The following PRKCI variants were observed in gnomAD, a reference collection of about 807,000 sequenced individuals.
The protein encoded by PRKCI is protein kinase C iota type.
In PRKCI, 43 loss-of-function variants were observed where a neutral mutation model predicts 84.0. That is an observed-to-expected ratio of 0.51 (90% CI 0.40 to 0.66). The LOEUF is 0.66. PRKCI is among the 30% of genes least tolerant of loss of function. The pLI is 0.00. For synonymous variants in PRKCI, 216 were observed against 234.4 expected (o/e 0.92, Z 0.72); for missense variants, 459 against 745.6 (o/e 0.62, Z 4.48).
rs562397699 is a variant in PRKCI at position 170,300,549 on chromosome 3, C to T, written c.1703+1439C>T. On this transcript the variant is annotated intron_variant, in intron 17 of 17. Transcript: ENST00000295797. ...CTCATGGCCCCTCTTTGAACAACCA[C>T]GTTTTTCCTCATTTTCATTTCATCT... 4.4e-4 allele frequency among the ~76,000 whole-genome samples: 67 copies of T among 151,316 alleles called. 1 individual carries two copies. The highest frequency in any genetic ancestry group is 3.7e-3 in the South Asian group (18 of 4,800).
In PRKCI at chr3:170,281,872, T is replaced by C. The variant is rs1161409416; in HGVS notation, c.981-10T>C. 2 of 1,582,566 alleles carry C rather than the reference T, an allele frequency of 1.3e-6. No individual in the cohort carries two copies. The highest frequency in any genetic ancestry group is 1.7e-6 in the Non-Finnish European group (2 of 1,167,248). On this transcript the variant is annotated splice_polypyrimidine_tract_variant and intron_variant, in intron 10 of 17. Transcript: ENST00000295797. ...GATCTTGATTTCATGGGTTCTCTCCTGTGTTTTAGATTGTTCTTTGTTATA... is the reference window on the plus strand; with the variant it reads ...GATCTTGATTTCATGGGTTCTCTCCCGTGTTTTAGATTGTTCTTTGTTATA...
In PRKCI at chr3:170,305,266, C is replaced by T. The variant is rs890613635; in HGVS notation, c.*2139C>T. 3 of 152,622 alleles carry T rather than the reference C, an allele frequency of 2.0e-5. No homozygotes were observed. Among genetic ancestry groups the T allele is most frequent in the African/African-American group, 7.2e-5 (3 of 41,444 alleles). The allele number at this position is 152,622 out of a possible 1,614,324, so 9.5% of individuals were successfully genotyped here. On this transcript the variant is annotated 3_prime_UTR_variant, in exon 18 of 18. Transcript: ENST00000295797. ...TGCACACTAGTGAGCCCACCTTAGA[C>T]TTCTTTTGGGGCCTTCGACCTCACT...
intron 13 of PRKCI, 55 bp downstream of exon 13, chr3:170,291,996 G>C: frequency 8.0e-7 from 1 of 1,244,268 alleles, no homozygotes; most frequent in Non-Finnish European, 1.2e-6. Flanking sequence ...GTGGTAAAAT[G>C]TGGTACCAAT....
chr3:170,245,949 G>GTTTTT (rs112482352), intron 2 of PRKCI, among the ~76,000 whole-genome samples: 141 of 82,418 alleles, frequency 1.7e-3, no homozygotes, highest in African/African-American at 2.2e-3. Context: ...TTATGTCTTT[G>GTTTTT]TTTTTTTTTT....
chr3:170,295,890 C>T (rs1345078601), intron 14 of PRKCI, 21 bp from the exon 15 acceptor site: 3 of 1,411,002 alleles, frequency 2.1e-6, no homozygotes, highest in Non-Finnish European at 9.8e-7. Flanking sequence ...AAATATAATA[C>T]TATAATTTTT....
At chr3:170,229,818 A>G (rs1316478318) in intron 1 of PRKCI, among the ~76,000 whole-genome samples, 1 of 152,152 alleles carries the variant, frequency 6.6e-6, no homozygotes, top group Non-Finnish European at 1.5e-5. Context: ...TTATATTCCC[A>G]TTGCATGTTA....
At chr3:170,253,857 G>T (rs981172140) in intron 2 of PRKCI, among the ~76,000 whole-genome samples, 3 of 151,694 alleles carry the variant, frequency 2.0e-5, no homozygotes, top group African/African-American at 7.3e-5. Context: ...ACCACTTTGG[G>T]AGGCCGAGGC....
chr3:170,241,109 T>C (rs1471482705), intron 2 of PRKCI, among the ~76,000 whole-genome samples: 2 of 152,246 alleles, frequency 1.3e-5, no homozygotes, highest in East Asian at 3.8e-4. Flanking sequence ...GTGTGATGTT[T>C]CAATACATGT....
chr3:170,273,933 A>C (rs1352286602), intron 7 of PRKCI, among the ~76,000 whole-genome samples: 1 of 152,018 alleles, frequency 6.6e-6, no homozygotes, highest in Non-Finnish European at 1.5e-5. Context: ...GGAGTTCAAG[A>C]CCAGCCTGGC....
rs763902996 is a variant in PRKCI, at chr3:170,273,301, A to G, written c.607A>G (p.Met203Val). The change falls in exon 7 of 18, where the codon ATG becomes GTG. Residue 203 changes from methionine to valine, a missense_variant. Physicochemically the swap from Met to Val is conservative, Grantham distance 21 (BLOSUM62 1). Coordinates refer to ENST00000295797, the MANE Select transcript of PRKCI (RefSeq NM_002740.6). ...HSLPQEPVMP[M>V]DQSSMHSDHA... ...ATGTTTGTAGGAACCAGTGATGCCC[A>G]TGGATCAGTCATCCATGCATTCTGA... 1.2e-6 allele frequency: 2 copies of G among 1,613,762 alleles called. No homozygotes were observed. The highest frequency in any genetic ancestry group is 2.2e-5 in the East Asian group (1 of 44,860).
chr3:170,224,685 G>A (rs1732585056), intron 1 of PRKCI, among the ~76,000 whole-genome samples: 1 of 151,978 alleles, frequency 6.6e-6, no homozygotes, highest in South Asian at 2.1e-4. Context: ...CACCACACCC[G>A]GCTAATTTTT....
chr3:170,281,401 A>T (rs1734240960), intron 10 of PRKCI, 138 bp downstream of exon 10: 1 of 645,046 alleles, frequency 1.6e-6, no homozygotes, highest in African/African-American at 1.8e-5. Context: ...CTTCCTGCTA[A>T]TAATACTGCC....
At chr3:170,302,489 T>C (rs1734845789) in intron 17 of PRKCI, among the ~76,000 whole-genome samples, 1 of 152,196 alleles carries the variant, frequency 6.6e-6, no homozygotes, top group East Asian at 1.9e-4. Context: ...TATTAAATAT[T>C]TGATAGCACT....
At chr3:170,249,467 G>C (rs1733381271) in intron 2 of PRKCI, among the ~76,000 whole-genome samples, 1 of 152,090 alleles carries the variant, frequency 6.6e-6, no homozygotes, top group East Asian at 1.9e-4. Flanking sequence ...AAACAGTCTG[G>C]ACTCAGTTTT....
intron 14 of PRKCI, 121 bp from the exon 15 acceptor site, chr3:170,295,790 A>C: frequency 2.2e-6 from 1 of 452,144 alleles, no homozygotes; most frequent in Admixed American, 4.3e-5. Context: ...AGCTGCAGTG[A>C]GCTGTGATTG....
rs1029505852 is a variant in PRKCI at position 170,303,241 on chromosome 3, C to T, written c.*114C>T. ...ATATTTGCCACCTACAAAAAAACAC[C>T]CAATATCTTCTCTTGTAGACTATAT... On this transcript the variant is annotated 3_prime_UTR_variant, in exon 18 of 18. Coordinates refer to ENST00000295797, the MANE Select transcript of PRKCI (RefSeq NM_002740.6). The T allele has an allele frequency of 3.1e-6, 2 of 645,308 alleles. No individual in the cohort carries two copies. The highest frequency in any genetic ancestry group is 5.1e-6 in the Non-Finnish European group (2 of 389,580). 40.0% of individuals were successfully genotyped at this position (645,308 alleles called of 1,614,324 possible).
intron 4 of PRKCI, among the ~76,000 whole-genome samples, chr3:170,266,436 A>G (rs1468296154): frequency 1.3e-5 from 2 of 152,196 alleles, no homozygotes; most frequent in African/African-American, 2.4e-5. Flanking sequence ...AGAAATACAC[A>G]ACACTACCTA....
chr3:170,282,375 G>A (rs1014651342), intron 11 of PRKCI, among the ~76,000 whole-genome samples: 2 of 152,072 alleles, frequency 1.3e-5, no homozygotes, highest in South Asian at 4.1e-4. Flanking sequence ...CGATAAGAGT[G>A]CTATTCATAC....
intron 15 of PRKCI, 65 bp downstream of exon 15, chr3:170,296,055 A>G: frequency 1.1e-6 from 1 of 943,768 alleles, no homozygotes; most frequent in Non-Finnish European, 1.5e-6. Context: ...ACTGGTCAGT[A>G]GCGGTTTGGG....
Sources: gnomAD v4.1 joint callset for allele counts (sites outside exome capture counted in the v4.1 genomes callset) on GRCh38, gnomAD v4.1.1 for gene constraint, MANE v1.5 for transcripts, NCBI Gene and HGNC (gene_info 2026-07-23, HGNC 2026-07-21) for gene names.